PCCA: variants seen among roughly 807,000 people sequenced by gnomAD.
The protein encoded by PCCA is propionyl-CoA carboxylase subunit alpha, also known as propionyl-CoA carboxylase alpha chain, mitochondrial.
PCCA carries 74 observed loss-of-function variants against 101.3 expected under a neutral mutation model. The ratio of observed to expected loss-of-function variants is 0.73; its 90% CI spans 0.61 to 0.89. The LOEUF (loss-of-function observed/expected upper bound fraction) is 0.89. Among genes scored for constraint, PCCA ranks in the 40% least tolerant of loss-of-function variants. PCCA has a pLI of 0.00. For missense variants in PCCA, 891 were observed against 907.0 expected (o/e 0.98, Z 0.23); for synonymous variants, 294 against 313.6 (o/e 0.94, Z 0.66).
At chr13:100,199,189 T>C (rs1336899568) in intron 6 of PCCA, among the ~76,000 whole-genome samples, 1 of 151,686 alleles carries the variant, frequency 6.6e-6, no homozygotes, top group Non-Finnish European at 1.5e-5. Flanking sequence ...CAGACGCAGA[T>C]GTTTACCCTG....
At chr13:100,359,016 G>C (rs2152796598) in intron 18 of PCCA, among the ~76,000 whole-genome samples, 1 of 146,594 alleles carries the variant, frequency 6.8e-6, no homozygotes, top group South Asian at 2.1e-4. Context: ...AGAATCACTT[G>C]AACCTGGGAG....
rs71439650 is a variant in PCCA at position 100,122,773 on chromosome 13, A to G, written c.300+10712A>G. Among the ~76,000 whole-genome samples, 1,239 of 152,132 alleles carry G rather than the reference A, an allele frequency of 8.1e-3. 9 individuals are homozygous for G. The highest frequency in any genetic ancestry group is 0.014 in the Non-Finnish European group (937 of 67,984). ...GGTGGCTTATAAACAACAGGAATTT[A>G]TTTCTCATAGTTCTGGAGGCTGATA... On this transcript the variant is annotated intron_variant, in intron 4 of 23. Transcript: ENST00000376285.
At chr13:100,141,094 T>C (rs1289028155) in intron 4 of PCCA, among the ~76,000 whole-genome samples, 2 of 152,174 alleles carry the variant, frequency 1.3e-5, no homozygotes, top group Non-Finnish European at 2.9e-5. Context: ...TTTCTTTCCA[T>C]AGGAGATAAA....
intron 9 of PCCA, among the ~76,000 whole-genome samples, chr13:100,262,414 T>G (rs2062583756): frequency 6.6e-6 from 1 of 151,766 alleles, no homozygotes; most frequent in African/African-American, 2.4e-5. Context: ...AAAGTGATAC[T>G]TAGCAGTTGG....
chr13:100,098,665 T>C (rs1361492342), intron 1 of PCCA, among the ~76,000 whole-genome samples: 1 of 152,120 alleles, frequency 6.6e-6, no homozygotes. Flanking sequence ...TGGGGAAGAA[T>C]GGCCTGGCGG....
At chr13:100,337,458 C>G (rs776356744) in intron 17 of PCCA, among the ~76,000 whole-genome samples, 2 of 152,190 alleles carry the variant, frequency 1.3e-5, no homozygotes, top group Non-Finnish European at 2.9e-5. Flanking sequence ...GGGGAACTTG[C>G]AGAAGTCAAG....
intron 21 of PCCA, among the ~76,000 whole-genome samples, chr13:100,481,554 T>C (rs1452590578): frequency 6.6e-6 from 1 of 151,836 alleles, no homozygotes; most frequent in East Asian, 1.9e-4. Context: ...CCAGCCTCTG[T>C]CTCAAAAATA....
intron 21 of PCCA, among the ~76,000 whole-genome samples, chr13:100,483,245 C>A (rs1410988197): frequency 6.6e-6 from 1 of 151,678 alleles, no homozygotes; most frequent in Non-Finnish European, 1.5e-5. Flanking sequence ...CAAAAGTGAG[C>A]CTTTCAGGGA....
chr13:100,345,056 C>T (rs973716167), intron 18 of PCCA, among the ~76,000 whole-genome samples: 11 of 152,138 alleles, frequency 7.2e-5, no homozygotes, highest in African/African-American at 1.9e-4. Context: ...CTCTCACTCT[C>T]CTTGGGTCTC....
intron 7 of PCCA, among the ~76,000 whole-genome samples, chr13:100,212,250 G>C (rs1042793372): frequency 6.6e-6 from 1 of 152,160 alleles, no homozygotes; most frequent in African/African-American, 2.4e-5. Context: ...AGGTTTATTG[G>C]AGGGCAACCA....
chr13:100,485,724 G>T (rs916540074), intron 21 of PCCA, among the ~76,000 whole-genome samples: 17 of 152,170 alleles, frequency 1.1e-4, no homozygotes, highest in African/African-American at 3.6e-4. Context: ...AGTGGCTTGG[G>T]TCATAATGAT....
intron 22 of PCCA, 191 bp from the exon 23 acceptor site, chr13:100,527,484 T>C (rs1411879064): frequency 4.8e-6 from 3 of 627,844 alleles, no homozygotes; most frequent in Non-Finnish European, 8.7e-6. Flanking sequence ...GAGGACTTTA[T>C]GAGAGAGAGA....
chr13:100,195,462 G>T (rs886357833), intron 6 of PCCA, among the ~76,000 whole-genome samples: 2 of 152,130 alleles, frequency 1.3e-5, no homozygotes, highest in Non-Finnish European at 2.9e-5. Flanking sequence ...TTTCATTAGC[G>T]TTCTAATATT....
chr13:100,502,310 T>C (rs1339063827), intron 21 of PCCA, among the ~76,000 whole-genome samples: 2 of 152,070 alleles, frequency 1.3e-5, no homozygotes, highest in Admixed American at 6.5e-5. Context: ...TTCACTAAGG[T>C]AGAGGCCAGG....
At chr13:100,094,887 C>T (rs1289742775) in intron 1 of PCCA, among the ~76,000 whole-genome samples, 1 of 152,206 alleles carries the variant, frequency 6.6e-6, no homozygotes. Context: ...CGTGCCTGCC[C>T]TCTCTTTGGT....
intron 21 of PCCA, among the ~76,000 whole-genome samples, chr13:100,454,171 G>C (rs1326130277): frequency 2.0e-5 from 3 of 150,580 alleles, no homozygotes; most frequent in Admixed American, 6.6e-5. Flanking sequence ...ACCGCACCTG[G>C]CCAAAAAAAA....
At chr13:100,430,930 A>T (rs1246054989) in intron 20 of PCCA, among the ~76,000 whole-genome samples, 1 of 152,182 alleles carries the variant, frequency 6.6e-6, no homozygotes, top group African/African-American at 2.4e-5. Context: ...TGTATGTATG[A>T]ATGCCCCCAA....
intron 19 of PCCA, among the ~76,000 whole-genome samples, chr13:100,399,448 A>G (rs959243606): frequency 6.6e-6 from 1 of 152,194 alleles, no homozygotes; most frequent in East Asian, 1.9e-4. Context: ...GCAAAAATAT[A>G]TTTTTTGAAA....
chr13:100,422,111 TTTCTTTCTTTTCTTTCTTTCTTTC>T (rs2078845705), intron 19 of PCCA, among the ~76,000 whole-genome samples: 6 of 144,344 alleles, frequency 4.2e-5, no homozygotes, highest in African/African-American at 1.6e-4. Context: ...TCTTTCTTTC[TTTCTTTCTTTTCTTTCTTTCTTTC>T]TTTTTTTTTT....
Sources: gnomAD v4.1 joint callset for allele counts (sites outside exome capture counted in the v4.1 genomes callset) on GRCh38, gnomAD v4.1.1 for gene constraint, MANE v1.5 for transcripts, NCBI Gene and HGNC (gene_info 2026-07-23, HGNC 2026-07-21) for gene names.